The following MAPK10 variants were observed in gnomAD, a reference collection of about 807,000 sequenced individuals.
The protein encoded by MAPK10 is JNK3 alpha protein kinase.
MAPK10 carries 25 observed loss-of-function variants against 59.3 expected under a neutral mutation model. The ratio of observed to expected loss-of-function variants is 0.42; its 90% CI spans 0.31 to 0.59. The LOEUF is 0.59. Ranked by LOEUF, MAPK10 falls within the 20% of genes least tolerant of loss-of-function variation. MAPK10 has a pLI of 0.15. For synonymous variants in MAPK10, 190 were observed against 200.5 expected, an observed-to-expected ratio of 0.95 and a Z score of 0.44; for missense variants, 351 against 568.9, an observed-to-expected ratio of 0.62 and a Z score of 3.90.
rs779583310 is a variant in MAPK10, at chr4:86,209,080, A to G, written c.-6-14673T>C. 1.5e-3 allele frequency among the ~76,000 whole-genome samples: 221 copies of G among 152,114 alleles called. 6 individuals are homozygous for G. Among genetic ancestry groups the G allele is most frequent in the Non-Finnish European group, 1.6e-3 (110 of 68,008 alleles). On this transcript the variant is annotated intron_variant, in intron 2 of 13. Coordinates refer to ENST00000641462, the MANE Select transcript of MAPK10 (RefSeq NM_138982.4). ...TCAATGGTTCCACTTGTATGTATCT[A>G]CACTGAGAAACTTGACACAAAATGC...
intron 3 of MAPK10, among the ~76,000 whole-genome samples, chr4:86,165,221 C>T (rs1343166957): frequency 6.6e-6 from 1 of 152,138 alleles, no homozygotes; most frequent in African/African-American, 2.4e-5. Context: ...GCTATCTATT[C>T]TCATAGTTAT....
intron 2 of MAPK10, among the ~76,000 whole-genome samples, chr4:86,215,245 A>T (rs1015346306): frequency 2.0e-5 from 3 of 152,258 alleles, no homozygotes; most frequent in Non-Finnish European, 4.4e-5. Flanking sequence ...CCTAACAACA[A>T]ATGCAAAAGT....
intron 2 of MAPK10, among the ~76,000 whole-genome samples, chr4:86,351,835 C>T (rs1197372028): frequency 1.3e-5 from 2 of 152,124 alleles, no homozygotes; most frequent in African/African-American, 4.8e-5. Context: ...GTGCCTATTA[C>T]ACAGTGAGAA....
intron 13 of MAPK10, chr4:86,026,384 A>G (rs919064873): frequency 6.6e-6 from 1 of 152,254 alleles, no homozygotes. Context: ...GCAAGCAGCT[A>G]TGCCATCCTT....
At chr4:86,561,264 G>C (rs763984395) in intron 1 of MAPK10, among the ~76,000 whole-genome samples, 1 of 152,234 alleles carries the variant, frequency 6.6e-6, no homozygotes, top group Admixed American at 6.5e-5. Context: ...CCATGGCCTG[G>C]GGGATGGGGA....
chr4:86,158,154 A>G (rs1158861260), intron 4 of MAPK10, among the ~76,000 whole-genome samples: 24 of 151,920 alleles, frequency 1.6e-4, no homozygotes, highest in Admixed American at 1.5e-3. Flanking sequence ...CCATTTAAAC[A>G]CAAACTTTAA....
chr4:86,590,407 T>C (rs1438540538), intron 1 of MAPK10, among the ~76,000 whole-genome samples: 2 of 152,248 alleles, frequency 1.3e-5, no homozygotes, highest in East Asian at 3.8e-4. Context: ...ACTCTTCTTA[T>C]TTTTGAATGG....
intron 1 of MAPK10, among the ~76,000 whole-genome samples, chr4:86,398,236 A>C (rs1269279163): frequency 6.6e-6 from 1 of 151,974 alleles, no homozygotes; most frequent in Non-Finnish European, 1.5e-5. Flanking sequence ...CAAAAAAAAA[A>C]AGAAAAGAAA....
chr4:86,517,528 G>A (rs566788209), intron 1 of MAPK10, among the ~76,000 whole-genome samples: 2 of 152,148 alleles, frequency 1.3e-5, no homozygotes, highest in Admixed American at 6.5e-5. Context: ...GCCCTTCTCG[G>A]CCTCCCAAAG....
At chr4:86,497,403 G>A (rs1317882916) in intron 1 of MAPK10, among the ~76,000 whole-genome samples, 2 of 152,276 alleles carry the variant, frequency 1.3e-5, no homozygotes, top group Admixed American at 1.3e-4. Context: ...AGGCTCCTTG[G>A]CTCTGCCAGG....
At chr4:86,105,686 AC>A (rs1213849253) in intron 5 of MAPK10, among the ~76,000 whole-genome samples, 1 of 152,102 alleles carries the variant, frequency 6.6e-6, no homozygotes, top group African/African-American at 2.4e-5. Flanking sequence ...TCTTGCACTT[AC>A]CTTTATTTAA....
intron 1 of MAPK10, among the ~76,000 whole-genome samples, chr4:86,470,624 T>C (rs1369258463): frequency 6.6e-6 from 1 of 152,182 alleles, no homozygotes; most frequent in African/African-American, 2.4e-5. Context: ...TCATCTCCCC[T>C]ATTTTTTCTT....
intron 1 of MAPK10, among the ~76,000 whole-genome samples, chr4:86,370,496 A>T (rs1004088144): frequency 6.6e-6 from 1 of 152,070 alleles, no homozygotes; most frequent in Non-Finnish European, 1.5e-5. Context: ...TCAGTATAAA[A>T]CTCTATGCTA....
chr4:86,249,458 C>T (rs1234573561), intron 2 of MAPK10, among the ~76,000 whole-genome samples: 1 of 152,176 alleles, frequency 6.6e-6, no homozygotes, highest in Non-Finnish European at 1.5e-5. Flanking sequence ...TGGAAAGAGA[C>T]ATTTTCTCAG....
chr4:86,147,783 T>C (rs1297607117), intron 4 of MAPK10, among the ~76,000 whole-genome samples: 1 of 152,230 alleles, frequency 6.6e-6, no homozygotes, highest in Non-Finnish European at 1.5e-5. Flanking sequence ...TTCATATTAC[T>C]AACTCATTCT....
intron 2 of MAPK10, among the ~76,000 whole-genome samples, chr4:86,203,207 A>G (rs185397254): frequency 2.0e-5 from 3 of 152,064 alleles, no homozygotes; most frequent in Admixed American, 1.3e-4. Flanking sequence ...TATACACTGT[A>G]CTGAGTTTCT....
At chr4:86,515,692 T>A (rs1487284582) in intron 1 of MAPK10, among the ~76,000 whole-genome samples, 1 of 152,158 alleles carries the variant, frequency 6.6e-6, no homozygotes, top group Admixed American at 6.5e-5. Flanking sequence ...TATTTGTTTT[T>A]TTTCTTGCTG....
chr4:86,463,491 C>T (rs1206761547), intron 1 of MAPK10, among the ~76,000 whole-genome samples: 1 of 152,174 alleles, frequency 6.6e-6, no homozygotes, highest in Non-Finnish European at 1.5e-5. Context: ...TTTGTGCTGC[C>T]TCCACTCAAG....
At chr4:86,434,788 G>C (rs114894772) in intron 1 of MAPK10, among the ~76,000 whole-genome samples, 5,581 of 152,318 alleles carry the variant, frequency 0.037, 143 homozygotes, top group Non-Finnish European at 0.055. Flanking sequence ...CGGTCCCATT[G>C]CTGGGTATGT....
Sources: allele counts gnomAD v4.1 joint callset (sites outside exome capture counted in the v4.1 genomes callset), GRCh38; gene constraint gnomAD v4.1.1; transcripts MANE v1.5; gene names NCBI Gene and HGNC (gene_info 2026-07-23, HGNC 2026-07-21).